Variants in VPS13B observed in about 807,000 individuals in gnomAD.
VPS13B encodes vacuolar protein sorting 13 homolog B, also known as intermembrane lipid transfer protein VPS13B.
VPS13B carries 285 observed loss-of-function variants against 426.4 expected under a neutral mutation model. The ratio of observed to expected loss-of-function variants is 0.67; its 90% CI spans 0.61 to 0.74. VPS13B has a LOEUF of 0.74. Ranked by LOEUF, VPS13B falls within the 30% of genes least tolerant of loss-of-function variation. VPS13B has a pLI of 0.00. For missense variants in VPS13B, 4,537 were observed against 4,782.6 expected (o/e 0.95, Z 1.51); for synonymous variants, 1,676 against 1,676.4 (o/e 1.00, Z 0.01).
rs1293235386 is a variant in VPS13B, at chr8:99,135,663, T to C, written c.1493T>C (p.Leu498Ser). 1 of 1,613,542 alleles carries C rather than the reference T, an allele frequency of 6.2e-7. No homozygotes were observed. The highest frequency in any genetic ancestry group is 1.7e-5 in the Admixed American group (1 of 60,014). ...GGTTTCACATACCTTACAAATTCAT[T>C]GTTTGATTACCGAAGCCCAGAAAAT... ...TKGFTYLTNS[L>S]FDYRSPENNG... Residue 498 changes from leucine (L) to serine (S), a missense_variant, in exon 11 of 62, where the codon TTG becomes TCG. By Grantham distance (145) the Leu-to-Ser change is moderately radical (BLOSUM62 -2). Transcript: ENST00000357162.
At chr8:99,768,195 C>T (rs1438704578) in intron 40 of VPS13B, among the ~76,000 whole-genome samples, 2 of 152,150 alleles carry the variant, frequency 1.3e-5, no homozygotes, top group Non-Finnish European at 2.9e-5. Context: ...GGATGCCCTA[C>T]GTGCCACTTC....
chr8:99,063,332 C>T (rs1432010542), intron 3 of VPS13B, among the ~76,000 whole-genome samples: 1 of 152,234 alleles, frequency 6.6e-6, no homozygotes, highest in Non-Finnish European at 1.5e-5. Context: ...GAAGCTGTGA[C>T]AGACGGTACC....
chr8:99,570,989 A>G (rs541583150), intron 31 of VPS13B, among the ~76,000 whole-genome samples: 1 of 152,262 alleles, frequency 6.6e-6, no homozygotes, highest in South Asian at 2.1e-4. Flanking sequence ...TGTTTTTTCA[A>G]CAAGCTCTCT....
intron 33 of VPS13B, among the ~76,000 whole-genome samples, chr8:99,627,292 TACTCCAGC>T (rs1828653312): frequency 6.6e-6 from 1 of 151,994 alleles, no homozygotes; most frequent in South Asian, 2.1e-4. Context: ...AAAAAATAGG[TACTCCAGC>T]CTGGGCAACA....
chr8:99,141,927 C>T (rs1810449417), intron 12 of VPS13B, among the ~76,000 whole-genome samples: 1 of 150,574 alleles, frequency 6.6e-6, no homozygotes, highest in Non-Finnish European at 1.5e-5. Context: ...GTGGTGGGCG[C>T]CTGTAGTACC....
At chr8:99,546,548 G>T (rs1279240346) in intron 30 of VPS13B, among the ~76,000 whole-genome samples, 4 of 151,966 alleles carry the variant, frequency 2.6e-5, no homozygotes, top group African/African-American at 9.7e-5. Context: ...TCTGTAAAAT[G>T]AAGTCTACCT....
At chr8:99,430,456 G>A (rs954868365) in intron 21 of VPS13B, among the ~76,000 whole-genome samples, 1 of 152,024 alleles carries the variant, frequency 6.6e-6, no homozygotes, top group Admixed American at 6.6e-5. Flanking sequence ...AACATAAGCT[G>A]TATTATATAA....
At chr8:99,850,665 C>T (rs908348416) in intron 55 of VPS13B, among the ~76,000 whole-genome samples, 1 of 152,154 alleles carries the variant, frequency 6.6e-6, no homozygotes, top group Non-Finnish European at 1.5e-5. Context: ...GTGGCTCACA[C>T]CTGTAATCCC....
chr8:99,457,482 C>T (rs1818544063), intron 23 of VPS13B, among the ~76,000 whole-genome samples: 1 of 152,214 alleles, frequency 6.6e-6, no homozygotes, highest in East Asian at 1.9e-4. Context: ...GTAATTGTGA[C>T]TTATCCCTTT....
At chr8:99,379,199 C>A (rs1046260157) in intron 19 of VPS13B, among the ~76,000 whole-genome samples, 9 of 152,144 alleles carry the variant, frequency 5.9e-5, no homozygotes, top group African/African-American at 9.7e-5. Context: ...CATTCCTCCA[C>A]CCCCCAAATC....
rs1465713704 is a variant in VPS13B at position 99,208,307 on chromosome 8, A to T, written c.2515+15250A>T. 2.6e-5 allele frequency among the ~76,000 whole-genome samples: 4 copies of T among 152,200 alleles called. No homozygotes were observed. In the East Asian group the frequency reaches 7.7e-4, roughly 29 times the overall value. ...CCATCACTGGGGATTACATTTCAGCATGTGATTTGAGGGGATGACAAATAT... is the reference window on the plus strand; with the variant it reads ...CCATCACTGGGGATTACATTTCAGCTTGTGATTTGAGGGGATGACAAATAT... On this transcript the variant is annotated intron_variant, in intron 17 of 61. Transcript: ENST00000357162.
chr8:99,866,108 C>G (rs1817083994), intron 58 of VPS13B, among the ~76,000 whole-genome samples: 1 of 152,268 alleles, frequency 6.6e-6, no homozygotes, highest in South Asian at 2.1e-4. Context: ...TCACAGCCAT[C>G]TCCATGTGGT....
At chr8:99,485,425 G>A (rs1315373690) in intron 25 of VPS13B, among the ~76,000 whole-genome samples, 2 of 152,108 alleles carry the variant, frequency 1.3e-5, no homozygotes, top group South Asian at 2.1e-4. Flanking sequence ...GCTTGCTAAC[G>A]AGTGCGCTGA....
chr8:99,350,718 G>T (rs1308843021), intron 19 of VPS13B, among the ~76,000 whole-genome samples: 1 of 152,082 alleles, frequency 6.6e-6, no homozygotes, highest in Non-Finnish European at 1.5e-5. Flanking sequence ...GATAGGATTT[G>T]TAAAGTGAAA....
chr8:99,410,566 A>C (rs973930292), intron 21 of VPS13B, among the ~76,000 whole-genome samples: 2 of 150,618 alleles, frequency 1.3e-5, no homozygotes, highest in Admixed American at 1.3e-4. Context: ...TTATTTATTT[A>C]TTTATTTATT....
At chr8:99,227,673 A>G (rs932648223) in intron 17 of VPS13B, among the ~76,000 whole-genome samples, 1 of 152,130 alleles carries the variant, frequency 6.6e-6, no homozygotes, top group Non-Finnish European at 1.5e-5. Context: ...GATTTATAAT[A>G]TGGTTTATTT....
chr8:99,740,811 C>G (rs1809675291), intron 39 of VPS13B, among the ~76,000 whole-genome samples: 1 of 152,268 alleles, frequency 6.6e-6, no homozygotes, highest in Non-Finnish European at 1.5e-5. Context: ...CCTAAAAGAG[C>G]TCCTGAAGGA....
intron 30 of VPS13B, among the ~76,000 whole-genome samples, chr8:99,531,840 G>A (rs574796774): frequency 1.2e-4 from 18 of 151,718 alleles, no homozygotes; most frequent in African/African-American, 3.9e-4. Context: ...AGTATATATC[G>A]ACCACCTATA....
At chr8:99,034,848 C>T (rs1018977669) in intron 2 of VPS13B, among the ~76,000 whole-genome samples, 11 of 152,158 alleles carry the variant, frequency 7.2e-5, no homozygotes, top group African/African-American at 2.4e-4. Flanking sequence ...GAAGTCTTGT[C>T]GCATGCGCGC....
Sources: allele counts gnomAD v4.1 joint callset (sites outside exome capture counted in the v4.1 genomes callset), GRCh38; gene constraint gnomAD v4.1.1; transcripts MANE v1.5; gene names NCBI Gene and HGNC (gene_info 2026-07-23, HGNC 2026-07-21).